Variants in TTC27 observed in about 807,000 individuals in gnomAD.
TTC27 encodes the protein tetratricopeptide repeat domain 27, also known as tetratricopeptide repeat protein 27.
Under a neutral mutation model 115.9 loss-of-function variants are expected in TTC27, and 79 were observed. That is an observed-to-expected ratio of 0.68 (90% CI 0.57 to 0.82). TTC27 has a LOEUF of 0.82. Among genes scored for constraint, TTC27 ranks in the 40% least tolerant of loss-of-function variants. The pLI, the probability that TTC27 is intolerant of heterozygous loss-of-function variation, is 0.00. For synonymous variants in TTC27, 401 were observed against 356.0 expected, an observed-to-expected ratio of 1.13 and a Z score of -1.42; for missense variants, 1,054 against 993.1, an observed-to-expected ratio of 1.06 and a Z score of -0.82.
intron 10 of TTC27, among the ~76,000 whole-genome samples, chr2:32,705,414 C>A (rs369723568): frequency 6.6e-6 from 1 of 152,150 alleles, no homozygotes; most frequent in Non-Finnish European, 1.5e-5. Flanking sequence ...ACTTTGAGAC[C>A]ATCTGGTTTG....
At chr2:32,717,173 T>C (rs1171024420) in intron 10 of TTC27, among the ~76,000 whole-genome samples, 1 of 151,788 alleles carries the variant, frequency 6.6e-6, no homozygotes, top group Non-Finnish European at 1.5e-5. Context: ...AGGGTCCTAC[T>C]ACATTGCCCA....
chr2:32,713,766 T>C (rs560272971), intron 10 of TTC27, among the ~76,000 whole-genome samples: 1 of 152,138 alleles, frequency 6.6e-6, no homozygotes, highest in Non-Finnish European at 1.5e-5. Flanking sequence ...ATATTTGTTC[T>C]TTTTTTTGAC....
At chr2:32,763,295 C>G (rs1351215637) in intron 13 of TTC27, among the ~76,000 whole-genome samples, 1 of 152,194 alleles carries the variant, frequency 6.6e-6, no homozygotes, top group African/African-American at 2.4e-5. Flanking sequence ...TTTGAACTGT[C>G]TGGAGGGAGA....
chr2:32,641,148 G>A (rs1664631502), intron 4 of TTC27, among the ~76,000 whole-genome samples: 1 of 152,100 alleles, frequency 6.6e-6, no homozygotes, highest in South Asian at 2.1e-4. Context: ...TATTTGGGTT[G>A]GATTTAGTAA....
Position 32,813,773 on chromosome 2 carries a change from T to C in TTC27, c.2308+1158T>C, listed in dbSNP as rs1439773492. On this transcript the variant is annotated intron_variant, in intron 18 of 19. Transcript: ENST00000317907. ...GTAGTTGATAATTCTACTTTTGACC[T>C]TTGATATCTTTGACCTAAAGGATAT... 2.0e-5 allele frequency among the ~76,000 whole-genome samples: 3 copies of C among 152,206 alleles called. No individual in the cohort carries two copies. The East Asian group carries it at 5.8e-4, about 29-fold the overall frequency.
chr2:32,628,324 G>T lies in TTC27; in HGVS notation c.32G>T (p.Gly11Val). 6.2e-7 allele frequency: 1 copy of T among 1,607,924 alleles called. No homozygotes were observed. The change falls in exon 1 of 20, where the codon GGA becomes GTA. Residue 11 changes from glycine (G) to valine (V), a missense_variant. Physicochemically the swap from Gly to Val is moderately radical, Grantham distance 109. Transcript: ENST00000317907. MWTPELAILRGFPTEAERQQW... is the reference protein window; with the variant it reads MWTPELAILRVFPTEAERQQW... ...ACCCCGGAGCTGGCAATTCTGAGGG[G>T]ATTCCCCACTGAGGCTGAGCGGCAG...
chr2:32,653,057 A>G (rs1007968459), intron 5 of TTC27, among the ~76,000 whole-genome samples: 1 of 152,220 alleles, frequency 6.6e-6, no homozygotes, highest in Non-Finnish European at 1.5e-5. Flanking sequence ...TTTGGATGTC[A>G]CACTAAATGA....
intron 5 of TTC27, among the ~76,000 whole-genome samples, chr2:32,662,155 T>C (rs151264015): frequency 0.066 from 10,009 of 152,286 alleles, 395 homozygotes; most frequent in East Asian, 0.13. Context: ...GATGTGCTGC[T>C]GGATTCAGTT....
intron 10 of TTC27, among the ~76,000 whole-genome samples, chr2:32,706,769 G>C (rs1667385113): frequency 6.6e-6 from 1 of 152,106 alleles, no homozygotes; most frequent in Non-Finnish European, 1.5e-5. Flanking sequence ...TCACCATGTT[G>C]GCCAGGCTGG....
At chr2:32,659,517 A>T (rs1428551889) in intron 5 of TTC27, among the ~76,000 whole-genome samples, 1 of 151,912 alleles carries the variant, frequency 6.6e-6, no homozygotes, top group Middle Eastern at 3.2e-3. Context: ...TTGTATCAAC[A>T]CCTTATGTTG....
intron 12 of TTC27, among the ~76,000 whole-genome samples, chr2:32,742,592 G>A (rs529743790): frequency 6.6e-6 from 1 of 152,034 alleles, no homozygotes; most frequent in East Asian, 1.9e-4. Context: ...TTTTGCACTT[G>A]TCACCTCTCA....
At chr2:32,687,956 T>C (rs965994886) in intron 9 of TTC27, among the ~76,000 whole-genome samples, 1 of 152,190 alleles carries the variant, frequency 6.6e-6, no homozygotes, top group African/African-American at 2.4e-5. Flanking sequence ...TTTGACTGAA[T>C]TGATGTTTAT....
chr2:32,755,533 G>T (rs1669201751), intron 12 of TTC27, among the ~76,000 whole-genome samples: 1 of 152,076 alleles, frequency 6.6e-6, no homozygotes, highest in Non-Finnish European at 1.5e-5. Flanking sequence ...GATGGCAGCA[G>T]TACAGTCCAG....
intron 10 of TTC27, among the ~76,000 whole-genome samples, chr2:32,705,900 T>C (rs960588286): frequency 2.0e-5 from 3 of 152,168 alleles, no homozygotes; most frequent in Non-Finnish European, 4.4e-5. Context: ...TGCCAAGTGG[T>C]AATTTTCTAA....
At chr2:32,760,127 G>A (rs561637613) in intron 13 of TTC27, among the ~76,000 whole-genome samples, 2 of 152,226 alleles carry the variant, frequency 1.3e-5, no homozygotes, top group East Asian at 1.9e-4. Flanking sequence ...AAAATCAGAA[G>A]TGCATTTTCT....
At chr2:32,736,943 A>G (rs892045756) in intron 12 of TTC27, 127 bp downstream of exon 12, 18 of 1,325,102 alleles carry the variant, frequency 1.4e-5, no homozygotes, top group Non-Finnish European at 1.8e-5. Context: ...CTTTTTTTCC[A>G]GAAAACTTTT....
At chr2:32,693,390 A>G (rs1003875300) in intron 9 of TTC27, among the ~76,000 whole-genome samples, 1 of 152,156 alleles carries the variant, frequency 6.6e-6, no homozygotes, top group African/African-American at 2.4e-5. Context: ...TCCACCCTAA[A>G]CCCTGTTCAG....
chr2:32,672,741 T>C (rs1666055930), intron 8 of TTC27, among the ~76,000 whole-genome samples: 1 of 152,242 alleles, frequency 6.6e-6, no homozygotes, highest in Non-Finnish European at 1.5e-5. Flanking sequence ...TGGAACCTTA[T>C]CTATGGTGGA....
chr2:32,721,161 T>C (rs1435995229), intron 10 of TTC27, among the ~76,000 whole-genome samples: 1 of 152,186 alleles, frequency 6.6e-6, no homozygotes, highest in African/African-American at 2.4e-5. Flanking sequence ...TAAATCCCCC[T>C]AAATGTAAGG....
Sources: gnomAD v4.1 joint callset for allele counts (sites outside exome capture counted in the v4.1 genomes callset) on GRCh38, gnomAD v4.1.1 for gene constraint, MANE v1.5 for transcripts, NCBI Gene and HGNC (gene_info 2026-07-23, HGNC 2026-07-21) for gene names.